The following ZNF267 variants were observed in gnomAD, a reference collection of about 807,000 sequenced individuals.
The protein encoded by ZNF267 is zinc finger (C2H2).
A neutral mutation model predicts 71.6 loss-of-function variants in ZNF267; 61 were observed. The ratio of observed to expected loss-of-function variants is 0.85; its 90% confidence interval spans 0.69 to 1.05. The LOEUF is 1.05. Among genes scored for constraint, ZNF267 ranks in the 50% least tolerant of loss-of-function variants. The pLI, the probability that ZNF267 is intolerant of heterozygous loss-of-function variation, is 0.00. For missense variants in ZNF267, 852 were observed against 870.0 expected (o/e 0.98, Z 0.26); for synonymous variants, 288 against 293.2 (o/e 0.98, Z 0.18).
Position 31,916,767 on chromosome 16 carries a change from T to C in ZNF267, c.*286T>C, listed in dbSNP as rs1388067405. On this transcript the variant is annotated 3_prime_UTR_variant, in exon 4 of 4. Transcript: ENST00000300870. ...AAAGTTTTATTCAAAATATCAAACT[T>C]ATGAGTCACCTAGGGGTTCATAGAA... The C allele has an allele frequency of 6.4e-6, 2 of 313,558 alleles. No homozygotes were observed. The highest frequency in any genetic ancestry group is 1.2e-5 in the Non-Finnish European group (2 of 170,594). The allele number at this position is 313,558 out of a possible 1,614,324, so 19.4% of individuals were successfully genotyped here.
chr16:31,900,754 TTTC>T (rs1372615434), intron 3 of ZNF267, among the ~76,000 whole-genome samples: 6 of 107,530 alleles, frequency 5.6e-5, no homozygotes, highest in East Asian at 4.7e-4. Context: ...CCAAGAATTC[TTTC>T]TTTTTTTTTT....
Position 31,917,331 on chromosome 16 carries a change from A to G in ZNF267, c.*850A>G, listed in dbSNP as rs2084186457. The G allele has an allele frequency of 6.6e-6, 1 of 151,526 alleles. No individual in the cohort carries two copies. The highest frequency in any genetic ancestry group is 1.5e-5 in the Non-Finnish European group (1 of 67,932). The allele number at this position is 151,526 out of a possible 1,614,324, so 9.4% of individuals were successfully genotyped here. A position where few individuals can be genotyped will look rare whatever the true frequency, so the allele number is the denominator to read the frequency against. ...ATATACGTGTTTAGAGCTCTTTTCT[A>G]TATTAAAGTAAGAGGGATATTCTGA... On this transcript the variant is annotated 3_prime_UTR_variant, in exon 4 of 4. Coordinates refer to ENST00000300870, the MANE Select transcript of ZNF267 (RefSeq NM_003414.6).
At position 31,915,173 on chromosome 16, in the gene ZNF267, A is replaced by G. The variant is rs770204030; in HGVS notation, c.924A>G (p.Ser308=). Residue 308 remains serine, a synonymous_variant, in exon 4 of 4, where the codon TCA becomes TCG. Coordinates refer to ENST00000300870, the MANE Select transcript of ZNF267 (RefSeq NM_003414.6). The part of the protein sequence containing the change: ...NKYDKDLSQS[S]NLRKQIIHNE... The stretch of plus-strand genomic sequence containing the variant: ...ATGATAAAGATCTTAGTCAGTCATC[A>G]AATCTTAGAAAGCAGATAATCCATA... The G allele has an allele frequency of 7.4e-6, 12 of 1,612,952 alleles. No homozygotes were observed. In the South Asian group the frequency reaches 1.3e-4, roughly 18 times the overall value.
chr16:31,882,955 G>C (rs1411634705), intron 1 of ZNF267, among the ~76,000 whole-genome samples: 1 of 151,986 alleles, frequency 6.6e-6, no homozygotes, highest in African/African-American at 2.4e-5. Context: ...TTTCTTTTTG[G>C]TTTCCCTTTG....
intron 3 of ZNF267, among the ~76,000 whole-genome samples, chr16:31,892,571 T>A (rs968925861): frequency 6.6e-6 from 1 of 152,216 alleles, no homozygotes; most frequent in African/African-American, 2.4e-5. Flanking sequence ...CTTCTGCCTG[T>A]GAGCCTGTAA....
At chr16:31,888,183 G>A (rs1447436426) in intron 3 of ZNF267, among the ~76,000 whole-genome samples, 1 of 151,898 alleles carries the variant, frequency 6.6e-6, no homozygotes, top group Non-Finnish European at 1.5e-5. Flanking sequence ...GTTAGTATAT[G>A]GAAATGCTAC....
At chr16:31,878,587 T>G (rs2083868297) in intron 1 of ZNF267, among the ~76,000 whole-genome samples, 1 of 151,472 alleles carries the variant, frequency 6.6e-6, no homozygotes, top group African/African-American at 2.4e-5. Flanking sequence ...CCTAGGCTTG[T>G]GGACCATCCA....
At chr16:31,881,993 TC>T (rs2083893796) in intron 1 of ZNF267, among the ~76,000 whole-genome samples, 4 of 152,204 alleles carry the variant, frequency 2.6e-5, no homozygotes, top group Admixed American at 2.6e-4. Flanking sequence ...TAAACTTGAC[TC>T]CTTCCTTTCT....
chr16:31,895,750 T>A (rs2083993651), intron 3 of ZNF267, among the ~76,000 whole-genome samples: 1 of 152,230 alleles, frequency 6.6e-6, no homozygotes, highest in South Asian at 2.1e-4. Context: ...TTTATGTACC[T>A]GTTGGCCATT....
At chr16:31,890,618 CAG>C (rs1695333251) in intron 3 of ZNF267, among the ~76,000 whole-genome samples, 1 of 152,166 alleles carries the variant, frequency 6.6e-6, no homozygotes, top group Non-Finnish European at 1.5e-5. Flanking sequence ...AATTTATAAA[CAG>C]GGGTAGTTTA....
At position 31,916,817 on chromosome 16, in the gene ZNF267, A is replaced by G. The variant is rs2084182041; in HGVS notation, c.*336A>G. ...AAAAGGAAGTTTGCAGATGCAATAA[A>G]TGTGAGGAAGTATTTAATAAAAAAT... On this transcript the variant is annotated 3_prime_UTR_variant, in exon 4 of 4. Transcript: ENST00000300870. The G allele has an allele frequency of 4.9e-6, 1 of 206,018 alleles. No homozygotes were observed. The highest frequency in any genetic ancestry group is 2.3e-5 in the African/African-American group (1 of 42,706). 12.8% of individuals were successfully genotyped at this position (206,018 alleles called of 1,614,324 possible). A position where few individuals can be genotyped will look rare whatever the true frequency, so the allele number is the denominator to read the frequency against.
At position 31,915,222 on chromosome 16, in the gene ZNF267, G is replaced by A; in HGVS notation, c.973G>A (p.Glu325Lys). ...IHNEEKPYKC[E>K]KCGDSLNHSL... Reference sequence around the variant, plus strand: ...TAATGAAGAGAAACCATACAAATGTGAAAAATGTGGGGATAGCTTAAACCA... The same window carrying A: ...TAATGAAGAGAAACCATACAAATGTAAAAAATGTGGGGATAGCTTAAACCA... The change falls in exon 4 of 4, where the codon GAA becomes AAA. Residue 325 changes from glutamate to lysine, a missense_variant. Transcript: ENST00000300870. 1 of 1,613,672 alleles carries A rather than the reference G, an allele frequency of 6.2e-7. No individual in the cohort carries two copies. Among genetic ancestry groups the A allele is most frequent in the Non-Finnish European group, 8.5e-7 (1 of 1,179,866 alleles).
At position 31,914,591 on chromosome 16, in the gene ZNF267, A is replaced by G. The variant is rs1172877414; in HGVS notation, c.342A>G (p.Arg114=). Residue 114 remains arginine, a synonymous_variant, in exon 4 of 4, where the codon AGA becomes AGG. Coordinates refer to ENST00000300870, the MANE Select transcript of ZNF267 (RefSeq NM_003414.6). ...GSCDLENLHL[R]KRWKREECEG... ...GTGATCTTGAGAATTTACATTTAAG[A>G]AAAAGGTGGAAAAGGGAGGAGTGTG... 4 of 1,614,138 alleles carry G rather than the reference A, an allele frequency of 2.5e-6. No individual in the cohort carries two copies. In the South Asian group the frequency reaches 3.3e-5, roughly 13 times the overall value.
At chr16:31,896,150 A>G (rs189791338) in intron 3 of ZNF267, among the ~76,000 whole-genome samples, 2 of 148,596 alleles carry the variant, frequency 1.3e-5, no homozygotes, top group Admixed American at 6.8e-5. Context: ...TAGGCTCACT[A>G]TAGACACGTG....
chr16:31,875,108 A>G, intron 1 of ZNF267: 1 of 1,288,634 alleles, frequency 7.8e-7, no homozygotes, highest in Non-Finnish European at 1.0e-6. Flanking sequence ...CGTTATCGGA[A>G]AGAATGTCTT....
intron 3 of ZNF267, among the ~76,000 whole-genome samples, chr16:31,907,589 A>C (rs1292121866): frequency 2.0e-5 from 3 of 152,006 alleles, no homozygotes; most frequent in Non-Finnish European, 4.4e-5. Context: ...GTTCTCCTTT[A>C]GTTGTTTGAA....
At chr16:31,888,111 T>TA (rs59120978) in intron 3 of ZNF267, among the ~76,000 whole-genome samples, 2,124 of 152,126 alleles carry the variant, frequency 0.014, 58 homozygotes, top group African/African-American at 0.048. Flanking sequence ...TTATAAAATT[T>TA]AAAAAAAATT....
intron 1 of ZNF267, among the ~76,000 whole-genome samples, chr16:31,882,411 G>C (rs932080878): frequency 6.6e-6 from 1 of 152,198 alleles, no homozygotes. Flanking sequence ...TGCTGTGTCT[G>C]CTTCCTCTAG....
intron 1 of ZNF267, among the ~76,000 whole-genome samples, chr16:31,881,907 A>G (rs2083893165): frequency 2.0e-5 from 3 of 151,970 alleles, no homozygotes; most frequent in South Asian, 4.1e-4. Flanking sequence ...TCAAGTGATA[A>G]CACCCATCTT....
Sources: gnomAD v4.1 joint callset for allele counts (sites outside exome capture counted in the v4.1 genomes callset) on GRCh38, gnomAD v4.1.1 for gene constraint, MANE v1.5 for transcripts, NCBI Gene and HGNC (gene_info 2026-07-23, HGNC 2026-07-21) for gene names.